The following KLF15 variants were observed in gnomAD, a reference collection of about 807,000 sequenced individuals.
The protein encoded by KLF15 is KLF transcription factor 15.
Under a neutral mutation model 24.6 loss-of-function variants are expected in KLF15, and 4 were observed. The observed-to-expected ratio is 0.16, with a 90% CI of 0.08 to 0.37. The LOEUF (loss-of-function observed/expected upper bound fraction) is 0.37. Ranked by LOEUF, KLF15 falls within the 10% of genes least tolerant of loss-of-function variation. The pLI, the probability that KLF15 is intolerant of heterozygous loss-of-function variation, is 1.00. For missense variants in KLF15, 496 were observed against 560.6 expected (o/e 0.88, Z 1.16); for synonymous variants, 246 against 236.3 (o/e 1.04, Z -0.37).
the KLF15 span, among the ~76,000 whole-genome samples, chr3:126,327,629 G>C: frequency 6.6e-6 from 1 of 152,188 alleles, no homozygotes; most frequent in Non-Finnish European, 1.5e-5. Context: ...CTCCTGTGCT[G>C]CTGGGGGCAT....
chr3:126,302,638 GA>G, the KLF15 span, among the ~76,000 whole-genome samples: 1 of 152,074 alleles, frequency 6.6e-6, no homozygotes, highest in Non-Finnish European at 1.5e-5. Flanking sequence ...ATGGTAATAT[GA>G]AATTACCTGT....
intron 2 of KLF15, among the ~76,000 whole-genome samples, chr3:126,347,481 C>G (rs1297062763): frequency 6.6e-6 from 1 of 152,206 alleles, no homozygotes; most frequent in Non-Finnish European, 1.5e-5. Context: ...TGTCCCCCAC[C>G]ACATCCACTG....
the KLF15 span, among the ~76,000 whole-genome samples, chr3:126,312,304 G>A: frequency 6.6e-6 from 1 of 152,292 alleles, no homozygotes; most frequent in South Asian, 2.1e-4. Context: ...CTCCTGAGTA[G>A]CTGGGACTAT....
chr3:126,349,266 AC>A (rs376702088), intron 2 of KLF15, among the ~76,000 whole-genome samples: 163 of 152,128 alleles, frequency 1.1e-3, no homozygotes, highest in African/African-American at 3.8e-3. Context: ...GCCATGAGTT[AC>A]CCCACCAGGG....
At chr3:126,326,956 T>C in the KLF15 span, among the ~76,000 whole-genome samples, 2 of 152,174 alleles carry the variant, frequency 1.3e-5, no homozygotes, top group East Asian at 3.8e-4. Flanking sequence ...CATTCTTGAA[T>C]ACCCCTCCCT....
the KLF15 span, among the ~76,000 whole-genome samples, chr3:126,316,312 G>C: frequency 6.6e-6 from 1 of 151,090 alleles, no homozygotes; most frequent in Non-Finnish European, 1.5e-5. Flanking sequence ...GCAAGGGCTG[G>C]AGTGGGGAAG....
At position 126,343,370 on chromosome 3, in the gene KLF15, G is replaced by A. The variant is rs181670817; in HGVS notation, c.*357C>T. The stretch of plus-strand genomic sequence containing the variant: ...CCCCTAGCACTAAAGTTCTGGCCTT[G>A]GCCCAGGATGGGGGAGCCCAGTGGG... On this transcript the variant is annotated 3_prime_UTR_variant, in exon 3 of 3. Transcript: ENST00000296233. 7.2e-6 allele frequency: 2 copies of A among 276,880 alleles called. No individual in the cohort carries two copies. Among genetic ancestry groups the A allele is most frequent in the African/African-American group, 2.3e-5 (1 of 44,148 alleles). The allele number at this position is 276,880 out of a possible 1,614,324, so 17.2% of individuals were successfully genotyped here. A position where few individuals can be genotyped will look rare whatever the true frequency, so the allele number is the denominator to read the frequency against.
At chr3:126,329,058 T>C in the KLF15 span, among the ~76,000 whole-genome samples, 7 of 152,212 alleles carry the variant, frequency 4.6e-5, no homozygotes, top group African/African-American at 1.7e-4. Flanking sequence ...GTGTCAAGCA[T>C]GTCTATCTTT....
At chr3:126,309,877 T>C in the KLF15 span, among the ~76,000 whole-genome samples, 1 of 152,162 alleles carries the variant, frequency 6.6e-6, no homozygotes, top group South Asian at 2.1e-4. Flanking sequence ...GAGAGAGTGC[T>C]CAATGGCCAA....
the KLF15 span, among the ~76,000 whole-genome samples, chr3:126,313,046 G>A: frequency 6.6e-6 from 1 of 152,128 alleles, no homozygotes; most frequent in African/African-American, 2.4e-5. Flanking sequence ...ACCTCAGAAT[G>A]GAACCAAATT....
chr3:126,323,423 A>ATATATGT, the KLF15 span, among the ~76,000 whole-genome samples: 32 of 29,296 alleles, frequency 1.1e-3, 1 homozygote, highest in Non-Finnish European at 2.1e-3. Flanking sequence ...ATATATATAT[A>ATATATGT]TATATATATA....
the KLF15 span, among the ~76,000 whole-genome samples, chr3:126,292,456 T>A: frequency 1.3e-5 from 2 of 152,220 alleles, no homozygotes; most frequent in East Asian, 3.9e-4. Flanking sequence ...AGTGGCTAAT[T>A]CACTAAGTAA....
At chr3:126,323,435 A>T in the KLF15 span, among the ~76,000 whole-genome samples, 850 of 54,414 alleles carry the variant, frequency 0.016, 30 homozygotes, top group African/African-American at 0.057. Context: ...ATATATATAT[A>T]ACATATATAT....
intron 2 of KLF15, among the ~76,000 whole-genome samples, chr3:126,347,775 T>A (rs1360838886): frequency 6.6e-6 from 1 of 152,128 alleles, no homozygotes; most frequent in Non-Finnish European, 1.5e-5. Flanking sequence ...CAGGGAGTAC[T>A]CTTAGGACCA....
chr3:126,350,648 AC>A (rs1560039975), intron 2 of KLF15, among the ~76,000 whole-genome samples: 1 of 152,246 alleles, frequency 6.6e-6, no homozygotes, highest in Non-Finnish European at 1.5e-5. Flanking sequence ...CGGGTGTTGC[AC>A]CCACACATAA....
chr3:126,304,595 T>G, the KLF15 span, among the ~76,000 whole-genome samples: 1 of 152,228 alleles, frequency 6.6e-6, no homozygotes, highest in East Asian at 1.9e-4. Context: ...CACCTGGAAA[T>G]GCTCTCGAGG....
At chr3:126,308,574 G>A in the KLF15 span, among the ~76,000 whole-genome samples, 1 of 151,704 alleles carries the variant, frequency 6.6e-6, no homozygotes, top group African/African-American at 2.4e-5. Flanking sequence ...GCCTGCCCTG[G>A]TTCTCTGTCT....
chr3:126,341,583 G>A (rs994613131), downstream of KLF15, among the ~76,000 whole-genome samples: 4 of 152,094 alleles, frequency 2.6e-5, no homozygotes, highest in Non-Finnish European at 5.9e-5. Flanking sequence ...CCTCCTCCTC[G>A]GGACCATGGC....
At chr3:126,292,101 G>A in the KLF15 span, among the ~76,000 whole-genome samples, 8 of 152,320 alleles carry the variant, frequency 5.3e-5, no homozygotes, top group South Asian at 1.7e-3. Flanking sequence ...GCACCCTGCT[G>A]TTTGGTTGAT....
Sources: gnomAD v4.1 joint callset for allele counts (sites outside exome capture counted in the v4.1 genomes callset) on GRCh38, gnomAD v4.1.1 for gene constraint, MANE v1.5 for transcripts, NCBI Gene and HGNC (gene_info 2026-07-23, HGNC 2026-07-21) for gene names.